Variants in RAP1A observed in about 807,000 individuals in gnomAD.
The protein encoded by RAP1A is ras-related protein Rap-1A.
Under a neutral mutation model 26.4 loss-of-function variants are expected in RAP1A, and 6 were observed. That is an observed-to-expected ratio of 0.23 (90% confidence interval 0.12 to 0.45). RAP1A has a LOEUF of 0.45. Ranked by LOEUF, RAP1A falls within the 20% of genes least tolerant of loss-of-function variation. The probability of loss-of-function intolerance (pLI) is 0.99; values close to 1 mark genes in which losing one functional copy is unlikely to be tolerated. For synonymous variants in RAP1A, 73 were observed against 79.4 expected (o/e 0.92, Z 0.43); for missense variants, 121 against 217.2 (o/e 0.56, Z 2.78).
chr1:111,693,142 A>G (rs1020032752), intron 2 of RAP1A, among the ~76,000 whole-genome samples: 8 of 152,204 alleles, frequency 5.3e-5, no homozygotes, highest in Non-Finnish European at 1.2e-4. Flanking sequence ...TTGATTCCTC[A>G]AAAGTCAAGT....
chr1:111,638,808 T>C (rs1361798518), intron 1 of RAP1A, among the ~76,000 whole-genome samples: 1 of 152,202 alleles, frequency 6.6e-6, no homozygotes, highest in Non-Finnish European at 1.5e-5. Context: ...AAATATAACA[T>C]GTTCTAATAA....
At chr1:111,672,992 T>G (rs1307203986) in intron 1 of RAP1A, among the ~76,000 whole-genome samples, 1 of 152,218 alleles carries the variant, frequency 6.6e-6, no homozygotes, top group Non-Finnish European at 1.5e-5. Context: ...TCCCATCAGA[T>G]AGCTGGTGAA....
intron 1 of RAP1A, among the ~76,000 whole-genome samples, chr1:111,549,310 T>C (rs1230966570): frequency 8.1e-6 from 1 of 123,348 alleles, no homozygotes; most frequent in Non-Finnish European, 1.6e-5. Context: ...AGTCATGGGC[T>C]TTTTTTTTTT....
intron 6 of RAP1A, among the ~76,000 whole-genome samples, chr1:111,708,726 A>T (rs928682428): frequency 6.6e-6 from 1 of 152,166 alleles, no homozygotes; most frequent in African/African-American, 2.4e-5. Flanking sequence ...AGGACTTAAT[A>T]GTTAAGGTCT....
chr1:111,619,254 C>A (rs1659086693), upstream of RAP1A, among the ~76,000 whole-genome samples: 1 of 152,246 alleles, frequency 6.6e-6, no homozygotes, highest in Non-Finnish European at 1.5e-5. Context: ...TGTGTATGCG[C>A]TCAAAGGTCT....
At chr1:111,562,141 TC>T (rs749191467) in intron 1 of RAP1A, among the ~76,000 whole-genome samples, 1 of 152,182 alleles carries the variant, frequency 6.6e-6, no homozygotes, top group Non-Finnish European at 1.5e-5. Context: ...GATGGTCTTT[TC>T]TTGTGGGCAA....
intron 1 of RAP1A, among the ~76,000 whole-genome samples, chr1:111,604,167 G>A (rs1658725987): frequency 6.6e-6 from 1 of 152,198 alleles, no homozygotes; most frequent in Non-Finnish European, 1.5e-5. Flanking sequence ...TACCAGCAAA[G>A]TCAGCACCTA....
At chr1:111,631,110 G>A (rs1659554430) in intron 1 of RAP1A, among the ~76,000 whole-genome samples, 1 of 152,154 alleles carries the variant, frequency 6.6e-6, no homozygotes, top group Non-Finnish European at 1.5e-5. Context: ...TCTTTGACCA[G>A]TGATTATATT....
At chr1:111,631,315 C>T (rs1156359016) in intron 1 of RAP1A, among the ~76,000 whole-genome samples, 2 of 152,096 alleles carry the variant, frequency 1.3e-5, no homozygotes, top group East Asian at 1.9e-4. Flanking sequence ...TCTTTAAACA[C>T]GTGAAATCCA....
intron 1 of RAP1A, among the ~76,000 whole-genome samples, chr1:111,545,694 A>T (rs12739858): frequency 0.084 from 12,828 of 152,138 alleles, 750 homozygotes; most frequent in Middle Eastern, 0.15. Context: ...AGAAACCATT[A>T]CCTAATCTAA....
chr1:111,548,536 C>T (rs540514375), intron 1 of RAP1A, among the ~76,000 whole-genome samples: 90 of 152,324 alleles, frequency 5.9e-4, no homozygotes, highest in Middle Eastern at 3.4e-3. Context: ...GGAAAGTTTG[C>T]ACAACTTTAA....
chr1:111,620,256 A>G (rs11102318), intron 1 of RAP1A, among the ~76,000 whole-genome samples: 22,919 of 152,114 alleles, frequency 0.15, 1,848 homozygotes, highest in African/African-American at 0.2. Flanking sequence ...CCCACCCTTC[A>G]GCTCCCCGAG....
intron 1 of RAP1A, among the ~76,000 whole-genome samples, chr1:111,630,456 T>C (rs1659535337): frequency 6.6e-6 from 1 of 152,196 alleles, no homozygotes; most frequent in Non-Finnish European, 1.5e-5. Flanking sequence ...CGTGCTTTCA[T>C]GGCAATTTTT....
intron 1 of RAP1A, among the ~76,000 whole-genome samples, chr1:111,678,155 G>A (rs892880571): frequency 6.6e-6 from 1 of 151,990 alleles, no homozygotes; most frequent in Non-Finnish European, 1.5e-5. Context: ...AAGTTATCTT[G>A]TCAGTTTCTA....
chr1:111,615,473 T>C (rs1304867631), upstream of RAP1A, among the ~76,000 whole-genome samples: 1 of 152,106 alleles, frequency 6.6e-6, no homozygotes, highest in Non-Finnish European at 1.5e-5. Flanking sequence ...TTTATACCTG[T>C]GCAGTCCAAT....
At chr1:111,613,390 G>A (rs889987275) in intron 1 of RAP1A, among the ~76,000 whole-genome samples, 16 of 152,020 alleles carry the variant, frequency 1.1e-4, no homozygotes, top group Non-Finnish European at 1.0e-4. Context: ...TAGTAGAGAC[G>A]GGGTTTCACC....
intron 1 of RAP1A, among the ~76,000 whole-genome samples, chr1:111,588,836 C>T (rs1325057719): frequency 6.6e-6 from 1 of 152,134 alleles, no homozygotes; most frequent in Non-Finnish European, 1.5e-5. Flanking sequence ...AAAGCAAAGA[C>T]TGTATGTTTT....
At chr1:111,651,710 C>T (rs1660277381) in intron 1 of RAP1A, among the ~76,000 whole-genome samples, 2 of 151,946 alleles carry the variant, frequency 1.3e-5, no homozygotes, top group South Asian at 2.1e-4. Flanking sequence ...CTCCTGACCT[C>T]AAGTGATCTG....
At chr1:111,600,378 C>T (rs993510247) in intron 1 of RAP1A, among the ~76,000 whole-genome samples, 21 of 152,212 alleles carry the variant, frequency 1.4e-4, no homozygotes, top group African/African-American at 5.1e-4. Context: ...AGTCTCTGAT[C>T]TTAGAGAGTT....
Sources: allele counts gnomAD v4.1 joint callset (sites outside exome capture counted in the v4.1 genomes callset), GRCh38; gene constraint gnomAD v4.1.1; transcripts MANE v1.5; gene names NCBI Gene and HGNC (gene_info 2026-07-23, HGNC 2026-07-21).